The following ANO3 variants were observed in gnomAD, a reference collection of about 807,000 sequenced individuals.
The protein encoded by ANO3 is anoctamin-3.
ANO3 carries 99 observed loss-of-function variants against 144.8 expected under a neutral mutation model. The ratio of observed to expected loss-of-function variants is 0.68; its 90% CI spans 0.58 to 0.81. The LOEUF is 0.81. ANO3 is among the 30% of genes least tolerant of loss of function. ANO3 has a pLI of 0.00. For synonymous variants in ANO3, 414 were observed against 392.6 expected, an observed-to-expected ratio of 1.05 and a Z score of -0.64; for missense variants, 905 against 1,202.2, an observed-to-expected ratio of 0.75 and a Z score of 3.66.
In ANO3 at chr11:26,624,489, AC is replaced by A; in HGVS notation, c.1866del (p.Asn623IlefsTer2). The A allele has an allele frequency of 6.2e-7, 1 of 1,605,142 alleles. No homozygotes were observed. The highest frequency in any genetic ancestry group is 8.5e-7 in the Non-Finnish European group (1 of 1,172,748). ...LAYEKIAYLL[T>X]NLEYPRTESE... ...TTATGAAAAAATTGCTTACCTCCTCACCAATTTAGGTAAGTCCATTTTTCTT... is the reference window on the plus strand; with the variant it reads ...TTATGAAAAAATTGCTTACCTCCTCACAATTTAGGTAAGTCCATTTTTCTT... On this transcript the variant is annotated frameshift_variant, in exon 18 of 27. Transcript: ENST00000256737. LOFTEE classifies it high-confidence loss of function.
At chr11:26,325,997 A>G (rs1471080981) in intron 1 of ANO3, among the ~76,000 whole-genome samples, 2 of 152,038 alleles carry the variant, frequency 1.3e-5, no homozygotes, top group African/African-American at 4.8e-5. Context: ...ATCCCAAAGC[A>G]ATGCACTCTT....
intron 1 of ANO3, among the ~76,000 whole-genome samples, chr11:26,283,782 G>A (rs1044625265): frequency 6.6e-5 from 10 of 152,254 alleles, no homozygotes; most frequent in African/African-American, 2.4e-4. Context: ...GGAGGAGACA[G>A]ATAATAAGCC....
chr11:26,599,752 A>G (rs758975018), intron 17 of ANO3, 38 bp downstream of exon 17: 5 of 1,566,254 alleles, frequency 3.2e-6, no homozygotes, highest in East Asian at 2.3e-5. Flanking sequence ...TAGACAAAAA[A>G]GGGGTGGAAA....
intron 1 of ANO3, among the ~76,000 whole-genome samples, chr11:26,266,546 G>T (rs1233345019): frequency 6.7e-6 from 1 of 149,600 alleles, no homozygotes; most frequent in Non-Finnish European, 1.5e-5. Flanking sequence ...CGATTCTCCT[G>T]CCTCAGCCGC....
intron 1 of ANO3, among the ~76,000 whole-genome samples, chr11:26,363,493 A>C (rs752191050): frequency 6.6e-6 from 1 of 151,930 alleles, no homozygotes; most frequent in Admixed American, 6.6e-5. Context: ...CTGTGTATGC[A>C]CATCCCTTGG....
intron 13 of ANO3, among the ~76,000 whole-genome samples, chr11:26,558,524 CTG>C (rs1850157424): frequency 6.6e-6 from 1 of 152,024 alleles, no homozygotes; most frequent in African/African-American, 2.4e-5. Context: ...TAAATGTACA[CTG>C]ATGATTGTTT....
intron 9 of ANO3, among the ~76,000 whole-genome samples, chr11:26,536,574 G>T (rs369503745): frequency 6.6e-6 from 1 of 151,516 alleles, no homozygotes. Flanking sequence ...TAAATTAGAC[G>T]TACATATAAA....
intron 17 of ANO3, among the ~76,000 whole-genome samples, chr11:26,623,815 G>T (rs1852493087): frequency 6.6e-6 from 1 of 151,480 alleles, no homozygotes; most frequent in Non-Finnish European, 1.5e-5. Context: ...TTGAGACGGA[G>T]TCTCACTCTC....
intron 1 of ANO3, among the ~76,000 whole-genome samples, chr11:26,253,194 T>C (rs1300755940): frequency 1.3e-5 from 2 of 152,170 alleles, no homozygotes; most frequent in Non-Finnish European, 2.9e-5. Flanking sequence ...GCTGCACTAA[T>C]GCTTTACATG....
intron 5 of ANO3, among the ~76,000 whole-genome samples, chr11:26,510,153 AGAGTAGAAAAG>A (rs1565070278): frequency 7.8e-6 from 1 of 128,624 alleles, no homozygotes; most frequent in Non-Finnish European, 1.6e-5. Context: ...AAAAAAAAAA[AGAGTAGAAAAG>A]AAAAACTAAT....
chr11:26,532,830 A>G (rs548690075), intron 8 of ANO3, among the ~76,000 whole-genome samples: 3 of 152,138 alleles, frequency 2.0e-5, no homozygotes, highest in Admixed American at 6.5e-5. Context: ...GTCATTTTCT[A>G]TCCCAGTATA....
intron 14 of ANO3, chr11:26,561,068 T>TG: frequency 6.2e-7 from 1 of 1,609,932 alleles, no homozygotes; most frequent in South Asian, 1.1e-5. Context: ...GTTAGTTCTA[T>TG]ACAGAAGTAC....
At chr11:26,628,285 C>G (rs1423325540) in intron 18 of ANO3, among the ~76,000 whole-genome samples, 1 of 152,088 alleles carries the variant, frequency 6.6e-6, no homozygotes, top group Non-Finnish European at 1.5e-5. Context: ...GTGTTAAAAT[C>G]GTAACACAAA....
At chr11:26,260,081 G>A (rs1468246092) in intron 1 of ANO3, among the ~76,000 whole-genome samples, 1 of 140,650 alleles carries the variant, frequency 7.1e-6, no homozygotes, top group Non-Finnish European at 1.5e-5. Flanking sequence ...ACAAACTTAA[G>A]CAGAACAAAG....
intron 14 of ANO3, among the ~76,000 whole-genome samples, chr11:26,582,415 A>T (rs1364803545): frequency 6.6e-6 from 1 of 152,214 alleles, no homozygotes; most frequent in Non-Finnish European, 1.5e-5. Flanking sequence ...GTTCTGGAGC[A>T]GTTTTCTAGA....
chr11:26,369,044 T>G (rs887395030), intron 1 of ANO3, among the ~76,000 whole-genome samples: 3 of 152,136 alleles, frequency 2.0e-5, no homozygotes, highest in African/African-American at 7.2e-5. Context: ...AAGGTCTATA[T>G]TCATAAGAAC....
chr11:26,227,898 G>C (rs963566348), intron 1 of ANO3, among the ~76,000 whole-genome samples: 36 of 151,994 alleles, frequency 2.4e-4, no homozygotes, highest in Non-Finnish European at 1.0e-4. Context: ...GCAATGTTGT[G>C]GTCAGTGTGA....
intron 14 of ANO3, among the ~76,000 whole-genome samples, chr11:26,597,238 A>C (rs61878588): frequency 0.031 from 4,673 of 152,244 alleles, 104 homozygotes; most frequent in Non-Finnish European, 0.049. Context: ...AGATGGCAGC[A>C]AGCCTTTTGT....
intron 18 of ANO3, 82 bp from the exon 19 acceptor site, chr11:26,634,122 A>T (rs1401019865): frequency 5.6e-6 from 4 of 712,856 alleles, no homozygotes; most frequent in Non-Finnish European, 9.4e-6. Context: ...ACAAACTTGA[A>T]CTTGGGGTTT....
Sources: allele counts gnomAD v4.1 joint callset (sites outside exome capture counted in the v4.1 genomes callset), GRCh38; gene constraint gnomAD v4.1.1; transcripts MANE v1.5; gene names NCBI Gene and HGNC (gene_info 2026-07-23, HGNC 2026-07-21).